TMTC2: variants seen among roughly 807,000 people sequenced by gnomAD.
The protein encoded by TMTC2 is transmembrane O-mannosyltransferase targeting cadherins 2.
Under a neutral mutation model 82.4 loss-of-function variants are expected in TMTC2, and 43 were observed. The ratio of observed to expected loss-of-function variants is 0.52; its 90% CI spans 0.41 to 0.67. The LOEUF (loss-of-function observed/expected upper bound fraction) is 0.67. TMTC2 is among the 30% of genes least tolerant of loss of function. The probability of loss-of-function intolerance (pLI) is 0.00; values close to 1 mark genes in which losing one functional copy is unlikely to be tolerated. For synonymous variants in TMTC2, 408 were observed against 381.9 expected (o/e 1.07, Z -0.80); for missense variants, 919 against 1,012.4 (o/e 0.91, Z 1.25).
Position 83,011,490 on chromosome 12 carries a change from A to G in TMTC2, c.2071-19308A>G, listed in dbSNP as rs141428651. 8.7e-4 allele frequency among the ~76,000 whole-genome samples: 132 copies of G among 152,266 alleles called. 1 individual carries two copies. The highest frequency in any genetic ancestry group is 3.1e-3 in the African/African-American group (129 of 41,550). ...AACCATTAGCAGTAAGAATGATATTATTGTTATCATTGTTATTTATGTCTT... is the reference window on the plus strand; with the variant it reads ...AACCATTAGCAGTAAGAATGATATTGTTGTTATCATTGTTATTTATGTCTT... On this transcript the variant is annotated intron_variant, in intron 8 of 11. Transcript: ENST00000321196.
intron 1 of TMTC2, among the ~76,000 whole-genome samples, chr12:82,696,752 CATG>C (rs1422624935): frequency 1.3e-5 from 2 of 152,060 alleles, no homozygotes; most frequent in Non-Finnish European, 2.9e-5. Flanking sequence ...ACACTCCTGG[CATG>C]ATGTTGAGGA....
At chr12:82,708,427 C>T (rs1873472717) in intron 1 of TMTC2, among the ~76,000 whole-genome samples, 1 of 152,196 alleles carries the variant, frequency 6.6e-6, no homozygotes, top group Admixed American at 6.5e-5. Context: ...CTATCTGTGA[C>T]TTTTGCAGAA....
At chr12:82,742,589 G>A (rs183472334) in intron 1 of TMTC2, among the ~76,000 whole-genome samples, 6 of 151,098 alleles carry the variant, frequency 4.0e-5, no homozygotes, top group South Asian at 4.2e-4. Flanking sequence ...GCGCATTCTC[G>A]GCTCACCACA....
At chr12:82,709,545 A>C (rs1873528976) in intron 1 of TMTC2, among the ~76,000 whole-genome samples, 2 of 152,346 alleles carry the variant, frequency 1.3e-5, no homozygotes, top group Non-Finnish European at 2.9e-5. Context: ...ACAAAACCCC[A>C]AAAACCTGCT....
intron 3 of TMTC2, among the ~76,000 whole-genome samples, chr12:82,902,349 T>G (rs974835031): frequency 1.3e-5 from 2 of 152,184 alleles, no homozygotes; most frequent in Non-Finnish European, 2.9e-5. Context: ...GTCAATTGTT[T>G]CTAACAGTTT....
chr12:82,905,870 A>G (rs1024442218), intron 3 of TMTC2, among the ~76,000 whole-genome samples: 1 of 151,660 alleles, frequency 6.6e-6, no homozygotes, highest in African/African-American at 2.4e-5. Flanking sequence ...GCTTGAACCC[A>G]GGAGGCAGAG....
chr12:82,788,361 A>G (rs1219269544), intron 1 of TMTC2, among the ~76,000 whole-genome samples: 1 of 152,092 alleles, frequency 6.6e-6, no homozygotes, highest in African/African-American at 2.4e-5. Flanking sequence ...CATTGCAACT[A>G]TTGGTAACTA....
rs147560986 is a variant in TMTC2, at chr12:83,080,964, T to C, written c.2331+19133T>C. Among the ~76,000 whole-genome samples the C allele has an allele frequency of 2.9e-3, 444 of 152,306 alleles. 3 individuals carry two copies. Among genetic ancestry groups the C allele is most frequent in the African/African-American group, 0.01 (426 of 41,562 alleles). ...CCACACAAGCAGAGTGTCAAATATA[T>C]GTCAGTTGCTAAAACAAGCCCTGTG... On this transcript the variant is annotated intron_variant, in intron 11 of 11. Transcript: ENST00000321196.
chr12:82,792,859 A>G (rs899331585), intron 1 of TMTC2, among the ~76,000 whole-genome samples: 4 of 152,126 alleles, frequency 2.6e-5, no homozygotes, highest in Non-Finnish European at 4.4e-5. Context: ...TTGAAGATAT[A>G]TAGTACTTGC....
chr12:82,893,695 A>AT (rs749337753), intron 2 of TMTC2, among the ~76,000 whole-genome samples: 2 of 151,998 alleles, frequency 1.3e-5, no homozygotes, highest in Non-Finnish European at 2.9e-5. Flanking sequence ...CCCCTTTTAG[A>AT]TTAAAAAAAA....
intron 1 of TMTC2, among the ~76,000 whole-genome samples, chr12:82,732,706 G>A (rs1325523826): frequency 1.3e-5 from 2 of 152,150 alleles, no homozygotes; most frequent in African/African-American, 4.8e-5. Context: ...AGACAGATGA[G>A]GACTAATTTT....
chr12:82,700,322 C>A lies in TMTC2; in HGVS notation c.83+12653C>A, dbSNP rs536494369. ...TGTCTAGGATACTTACTAAATATTT[C>A]TTTTAAATTATTCATTAATGGTATT... On this transcript the variant is annotated intron_variant, in intron 1 of 11. Transcript: ENST00000321196. 2.0e-4 allele frequency among the ~76,000 whole-genome samples: 30 copies of A among 152,192 alleles called. 1 individual carries two copies. Among genetic ancestry groups the A allele is most frequent in the Admixed American group, 5.9e-4 (9 of 15,294 alleles).
In TMTC2 at chr12:82,963,710, C is replaced by G. The variant is rs563651990; in HGVS notation, c.1599-1314C>G. 2.7e-5 allele frequency among the ~76,000 whole-genome samples: 4 copies of G among 147,074 alleles called. No individual in the cohort carries two copies. The Admixed American group carries it at 2.7e-4, about 10-fold the overall frequency. The stretch of plus-strand genomic sequence containing the variant: ...TAACTACTGCAGGAAGCTTTATTCT[C>G]TCTTGTTCCTAGCAGCAGACAAGAA... On this transcript the variant is annotated intron_variant, in intron 4 of 11. Transcript: ENST00000321196.
intron 1 of TMTC2, among the ~76,000 whole-genome samples, chr12:82,742,775 C>T (rs952208468): frequency 8.5e-5 from 13 of 152,174 alleles, no homozygotes; most frequent in African/African-American, 2.4e-4. Context: ...CTGCCTGCCT[C>T]AGCCGCCCGA....
rs375236921 is a variant in TMTC2 at position 83,090,157 on chromosome 12, A to G, written c.2331+28326A>G. 2.2e-4 allele frequency among the ~76,000 whole-genome samples: 34 copies of G among 152,324 alleles called. 1 individual carries two copies. The highest frequency in any genetic ancestry group is 2.1e-3 in the East Asian group (11 of 5,192). On this transcript the variant is annotated intron_variant, in intron 11 of 11. Transcript: ENST00000321196. ...TTTTAAGTGTGGCATTAACATATCT[A>G]ATTTTCAGAAGCTTTAGAAAGGGAA... is the stretch of plus-strand genomic sequence containing the variant.
intron 10 of TMTC2, among the ~76,000 whole-genome samples, chr12:83,053,040 T>C (rs1882411324): frequency 6.6e-6 from 1 of 152,178 alleles, no homozygotes; most frequent in Non-Finnish European, 1.5e-5. Context: ...TCTGTAGTGC[T>C]TGCTGTCAAG....
chr12:83,063,945 G>A (rs139132749), intron 11 of TMTC2, among the ~76,000 whole-genome samples: 1 of 151,932 alleles, frequency 6.6e-6, no homozygotes, highest in East Asian at 1.9e-4. Flanking sequence ...TAGTTGGGCA[G>A]CTTTGTGTAG....
At chr12:82,874,180 G>A (rs1174792774) in intron 2 of TMTC2, among the ~76,000 whole-genome samples, 2 of 152,160 alleles carry the variant, frequency 1.3e-5, no homozygotes, top group African/African-American at 2.4e-5. Flanking sequence ...TAGATAAAGG[G>A]AACATGCTGT....
chr12:83,007,586 A>C (rs986804230), intron 8 of TMTC2, among the ~76,000 whole-genome samples: 1 of 152,186 alleles, frequency 6.6e-6, no homozygotes, highest in African/African-American at 2.4e-5. Flanking sequence ...CCTTTATGAC[A>C]TCTCTGTCAC....
Sources: allele counts gnomAD v4.1 joint callset (sites outside exome capture counted in the v4.1 genomes callset), GRCh38; gene constraint gnomAD v4.1.1; transcripts MANE v1.5; gene names NCBI Gene and HGNC (gene_info 2026-07-23, HGNC 2026-07-21).